The following SEMA4D variants were observed in gnomAD, a reference collection of about 807,000 sequenced individuals.
SEMA4D encodes the protein semaphorin-4D.
In SEMA4D, 22 loss-of-function variants were observed where a neutral mutation model predicts 74.8. The ratio of observed to expected loss-of-function variants is 0.29; its 90% CI spans 0.21 to 0.42. The LOEUF (loss-of-function observed/expected upper bound fraction) is 0.42. Ranked by LOEUF, SEMA4D falls within the 10% of genes least tolerant of loss-of-function variation. The probability of loss-of-function intolerance (pLI) is 1.00; values close to 1 mark genes in which losing one functional copy is unlikely to be tolerated. For missense variants in SEMA4D, 937 were observed against 1,118.4 expected, an observed-to-expected ratio of 0.84 and a Z score of 2.31; for synonymous variants, 445 against 463.7, an observed-to-expected ratio of 0.96 and a Z score of 0.52.
rs1037760688 is a variant in SEMA4D at position 89,498,061 on chromosome 9, G to C, written c.-452C>G. On this transcript the variant is annotated 5_prime_UTR_variant, in exon 1 of 16. Transcript: ENST00000422704. ...GGGAGGCCCGGCGGCGGCAGCGGCG[G>C]CTGGGATGCTGCGGCGCGCGAGAGC... is the stretch of plus-strand genomic sequence containing the variant. The C allele has an allele frequency of 6.7e-6, 1 of 148,624 alleles. No individual in the cohort carries two copies. The highest frequency in any genetic ancestry group is 2.4e-5 in the African/African-American group (1 of 40,990). 9.2% of individuals were successfully genotyped at this position (148,624 alleles called of 1,614,324 possible). A position where few individuals can be genotyped will look rare whatever the true frequency, so the allele number is the denominator to read the frequency against.
At chr9:89,488,352 CTTTTTTTTTTTTT>C (rs1158168446) in intron 1 of SEMA4D, among the ~76,000 whole-genome samples, 6 of 62,618 alleles carry the variant, frequency 9.6e-5, no homozygotes, top group South Asian at 1.5e-3. Context: ...GATCACAGAT[CTTTTTTTTTTTTT>C]TTTTTTTTTT....
chr9:89,429,356 G>A (rs1039800576), intron 2 of SEMA4D, among the ~76,000 whole-genome samples: 1 of 152,238 alleles, frequency 6.6e-6, no homozygotes, highest in Admixed American at 6.5e-5. Context: ...GGGGCCAGGA[G>A]AGGGGGCTGT....
In SEMA4D at chr9:89,388,902, G is replaced by A; in HGVS notation, c.920C>T (p.Pro307Leu). Residue 307 changes from proline (P) to leucine (L), a missense_variant, in exon 10 of 16, where the codon CCT (proline) becomes CTT (leucine). Coordinates refer to ENST00000422704, the MANE Select transcript of SEMA4D (RefSeq NM_001371194.2). ...TGGGGTGAAGAGTGCATAGAACACA[G>A]GCACCTTCAGGCCCGGGGACCTGAG... ...FVLRSPGLKV[P>L]VFYALFTPQL... is the part of the protein sequence containing the mutation. The A allele has an allele frequency of 6.2e-7, 1 of 1,614,144 alleles. No individual in the cohort carries two copies. Among genetic ancestry groups the A allele is most frequent in the Non-Finnish European group, 8.5e-7 (1 of 1,180,018 alleles).
intron 2 of SEMA4D, among the ~76,000 whole-genome samples, chr9:89,434,277 G>C (rs552655575): frequency 2.0e-5 from 3 of 151,988 alleles, no homozygotes; most frequent in African/African-American, 7.3e-5. Context: ...GAGGGGTCTC[G>C]GTCTAGGAGC....
In SEMA4D at chr9:89,477,761, T is replaced by C. The variant is rs1025264419; in HGVS notation, c.-310+20158A>G. Among the ~76,000 whole-genome samples, 4 of 152,366 alleles carry C rather than the reference T, an allele frequency of 2.6e-5. 1 individual carries two copies. Among genetic ancestry groups the C allele is most frequent in the Non-Finnish European group, 1.5e-5 (1 of 68,038 alleles). Reference sequence around the variant, plus strand: ...ATGAAAGCGTTCACTCTTTGCTTTCTGTCTTCATTTTCTGAGCAATAAAAA... The same window carrying C: ...ATGAAAGCGTTCACTCTTTGCTTTCCGTCTTCATTTTCTGAGCAATAAAAA... On this transcript the variant is annotated intron_variant, in intron 1 of 15. Coordinates refer to ENST00000422704, the MANE Select transcript of SEMA4D (RefSeq NM_001371194.2).
chr9:89,473,967 C>T (rs1157431375), intron 1 of SEMA4D, among the ~76,000 whole-genome samples: 1 of 152,180 alleles, frequency 6.6e-6, no homozygotes, highest in African/African-American at 2.4e-5. Flanking sequence ...TTTGAGTTCC[C>T]TTTCTCAGGT....
At chr9:89,362,995 C>T (rs949031773) in intron 18 of SEMA4D, among the ~76,000 whole-genome samples, 8 of 152,170 alleles carry the variant, frequency 5.3e-5, no homozygotes, top group African/African-American at 2.4e-5. Flanking sequence ...CTCAGGAAGC[C>T]ACTCCCCCTG....
At chr9:89,392,744 T>C (rs1840136328) in intron 7 of SEMA4D, among the ~76,000 whole-genome samples, 1 of 152,154 alleles carries the variant, frequency 6.6e-6, no homozygotes, top group Admixed American at 6.5e-5. Context: ...TTGTTTTGTT[T>C]TGAGACAGAG....
intron 1 of SEMA4D, among the ~76,000 whole-genome samples, chr9:89,468,040 C>T (rs1859207873): frequency 6.6e-6 from 1 of 152,106 alleles, no homozygotes; most frequent in East Asian, 1.9e-4. Context: ...GAATCATTTG[C>T]GAGAAGACAC....
At chr9:89,379,655 A>G (rs745733329) in intron 15 of SEMA4D, 26 bp from the exon 16 acceptor site, 1 of 1,579,764 alleles carries the variant, frequency 6.3e-7, no homozygotes, top group Non-Finnish European at 8.6e-7. Flanking sequence ...AAACGTGCAC[A>G]GCGTCAACAA....
chr9:89,432,036 T>TC (rs77068783), intron 2 of SEMA4D, among the ~76,000 whole-genome samples: 40,816 of 151,936 alleles, frequency 0.27, 6,060 homozygotes, highest in African/African-American at 0.37. Flanking sequence ...CCCTGACCAG[T>TC]CCATCTGTTC....
chr9:89,408,101 T>G (rs1477272889), intron 2 of SEMA4D, among the ~76,000 whole-genome samples: 3 of 152,270 alleles, frequency 2.0e-5, no homozygotes, highest in African/African-American at 7.2e-5. Flanking sequence ...CACTTTTTGT[T>G]TGCAAAACAG....
chr9:89,463,189 C>T (rs563738098), intron 1 of SEMA4D, among the ~76,000 whole-genome samples: 1 of 152,094 alleles, frequency 6.6e-6, no homozygotes, highest in African/African-American at 2.4e-5. Flanking sequence ...AAATGGTAGA[C>T]TCATGCCCAG....
At chr9:89,454,047 C>G (rs762915887) in intron 2 of SEMA4D, among the ~76,000 whole-genome samples, 1 of 152,034 alleles carries the variant, frequency 6.6e-6, no homozygotes, top group Non-Finnish European at 1.5e-5. Context: ...TTAGTAGAGA[C>G]AGGGTTTCAC....
At chr9:89,371,429 T>G (rs1239784050) in intron 16 of SEMA4D, among the ~76,000 whole-genome samples, 4 of 74,042 alleles carry the variant, frequency 5.4e-5, no homozygotes, top group East Asian at 4.2e-4. Flanking sequence ...GTGTCTGGGG[T>G]GTGTGTGTGG....
chr9:89,424,105 C>T (rs1564729877), intron 2 of SEMA4D, among the ~76,000 whole-genome samples: 1 of 151,998 alleles, frequency 6.6e-6, no homozygotes, highest in Non-Finnish European at 1.5e-5. Flanking sequence ...CCAGCTACTC[C>T]CTCAGCAACT....
chr9:89,369,772 C>T (rs867655143), intron 16 of SEMA4D, among the ~76,000 whole-genome samples: 5 of 152,256 alleles, frequency 3.3e-5, no homozygotes, highest in African/African-American at 7.2e-5. Context: ...CTCCAGACGG[C>T]TTTCCTCCCC....
rs941987089 is a variant in SEMA4D at position 89,484,306 on chromosome 9, T to C, written c.-310+13613A>G. Among the ~76,000 whole-genome samples the C allele has an allele frequency of 5.3e-5, 8 of 152,226 alleles. No homozygotes were observed. Among genetic ancestry groups the C allele is most frequent in the African/African-American group, 1.9e-4 (8 of 41,462 alleles). On this transcript the variant is annotated intron_variant, in intron 1 of 15. Coordinates refer to ENST00000422704, the MANE Select transcript of SEMA4D (RefSeq NM_001371194.2). The surrounding 1 kb of genome is among the most constrained non-coding windows in gnomAD (Gnocchi z 4.1). ...GCACGCATGACCAGTCTAGGAAAAG[T>C]GTGCAAAGCTCTCAAGACTCCGATG... is the stretch of plus-strand genomic sequence containing the variant.
chr9:89,398,973 C>A (rs1474647503), intron 5 of SEMA4D, among the ~76,000 whole-genome samples: 1 of 152,258 alleles, frequency 6.6e-6, no homozygotes, highest in East Asian at 1.9e-4. Context: ...GTGGGCTTCA[C>A]TATTCACCAG....
Sources: gnomAD v4.1 joint callset for allele counts (sites outside exome capture counted in the v4.1 genomes callset) on GRCh38, gnomAD v4.1.1 for gene constraint, Gnocchi (gnomAD v3.1) non-coding constraint, MANE v1.5 for transcripts, NCBI Gene and HGNC (gene_info 2026-07-23, HGNC 2026-07-21) for gene names.